Variants in SNX9 observed in about 807,000 individuals in gnomAD.
The protein encoded by SNX9 is sorting nexin-9.
In SNX9, 44 loss-of-function variants were observed where a neutral mutation model predicts 89.4. That is an observed-to-expected ratio of 0.49 (90% CI 0.39 to 0.63). The LOEUF is 0.63. SNX9 is among the 30% of genes least tolerant of loss of function. The probability of loss-of-function intolerance (pLI) is 0.00; values close to 1 mark genes in which losing one functional copy is unlikely to be tolerated. For synonymous variants in SNX9, 236 were observed against 247.8 expected (o/e 0.95, Z 0.45); for missense variants, 578 against 736.1 (o/e 0.79, Z 2.49).
At chr6:157,885,463 A>G (rs535282420) in intron 4 of SNX9, 1 of 152,338 alleles carries the variant, frequency 6.6e-6, no homozygotes, top group African/African-American at 2.4e-5. Context: ...ATTTTTTTAT[A>G]TAAGAGAATA....
intron 10 of SNX9, among the ~76,000 whole-genome samples, chr6:157,926,676 G>GCC (rs1783698661): frequency 1.3e-5 from 2 of 151,754 alleles, no homozygotes; most frequent in Non-Finnish European, 2.9e-5. Flanking sequence ...CAGCTACTTG[G>GCC]GGGCTGAGGT....
chr6:157,921,799 C>G (rs897693099), intron 10 of SNX9, 138 bp downstream of exon 10: 8 of 1,008,532 alleles, frequency 7.9e-6, no homozygotes, highest in Non-Finnish European at 9.9e-6. Flanking sequence ...GGACAGAAAC[C>G]TAAATCCCCA....
rs111653850 is a variant in SNX9, at chr6:157,919,784, C to T, written c.950-1747C>T. Among the ~76,000 whole-genome samples the T allele has an allele frequency of 1.4e-3, 218 of 152,096 alleles. 1 individual carries two copies. Among genetic ancestry groups the T allele is most frequent in the African/African-American group, 4.2e-3 (173 of 41,496 alleles). On this transcript the variant is annotated intron_variant, in intron 9 of 17. Coordinates refer to ENST00000392185, the MANE Select transcript of SNX9 (RefSeq NM_016224.5). ...TGGTTCATATCTTGCTATTTCTTTG[C>T]GTATCTCTTAATTTTTTGTTGAAAA...
intron 14 of SNX9, among the ~76,000 whole-genome samples, chr6:157,936,477 C>A (rs1338397937): frequency 2.0e-5 from 3 of 152,120 alleles, no homozygotes; most frequent in African/African-American, 7.2e-5. Flanking sequence ...CCACTGCACT[C>A]CAGCCTGGGT....
At chr6:157,831,190 TTTG>T (rs1781472018) in intron 1 of SNX9, among the ~76,000 whole-genome samples, 1 of 152,218 alleles carries the variant, frequency 6.6e-6, no homozygotes, top group African/African-American at 2.4e-5. Flanking sequence ...CTCATGGTGC[TTTG>T]TTTTCTTGTG....
At position 157,853,220 on chromosome 6, in the gene SNX9, A is replaced by G. The variant is rs570305684; in HGVS notation, c.13-14327A>G. The stretch of plus-strand genomic sequence containing the variant: ...TTTTTGAAGGATGTTTTTGCTGGGT[A>G]TAGAATTCTAGGTTGGTAGTTTTTG... On this transcript the variant is annotated intron_variant, in intron 1 of 17. Transcript: ENST00000392185. Among the ~76,000 whole-genome samples the G allele has an allele frequency of 2.5e-3, 379 of 152,128 alleles. 2 individuals carry two copies. Among genetic ancestry groups the G allele is most frequent in the Non-Finnish European group, 2.0e-3 (135 of 68,002 alleles).
At chr6:157,826,054 G>T (rs1263251319) in intron 1 of SNX9, among the ~76,000 whole-genome samples, 1 of 152,106 alleles carries the variant, frequency 6.6e-6, no homozygotes, top group Non-Finnish European at 1.5e-5. Flanking sequence ...AGTATCTTCA[G>T]ATACAATTTT....
At position 157,942,262 on chromosome 6, in the gene SNX9, T is replaced by C. The variant is rs184958815; in HGVS notation, c.1741-529T>C. Among the ~76,000 whole-genome samples the C allele has an allele frequency of 1.5e-3, 232 of 152,342 alleles. 1 individual carries two copies. Among genetic ancestry groups the C allele is most frequent in the African/African-American group, 5.4e-3 (223 of 41,582 alleles). On this transcript the variant is annotated intron_variant, in intron 17 of 17. Coordinates refer to ENST00000392185, the MANE Select transcript of SNX9 (RefSeq NM_016224.5). ...TTATATACCAAGCCCTCGTGCTGGA[T>C]GTTTAGCATCCAGGGATGGATAAGA...
At chr6:157,825,592 C>A (rs1162216704) in intron 1 of SNX9, among the ~76,000 whole-genome samples, 1 of 152,180 alleles carries the variant, frequency 6.6e-6, no homozygotes, top group Non-Finnish European at 1.5e-5. Flanking sequence ...TCCAGTAGTT[C>A]TGTTAGTTTC....
chr6:157,935,903 T>C (rs16900518), intron 13 of SNX9, 61 bp from the exon 14 acceptor site: 1 of 1,216,352 alleles, frequency 8.2e-7, no homozygotes, highest in Non-Finnish European at 1.1e-6. Flanking sequence ...TAATAAAATT[T>C]TAACAAGTGA....
At chr6:157,834,463 C>T (rs2115107674) in intron 1 of SNX9, among the ~76,000 whole-genome samples, 1 of 151,560 alleles carries the variant, frequency 6.6e-6, no homozygotes, top group Non-Finnish European at 1.5e-5. Context: ...TCTCCCACCT[C>T]AGCCTCACAA....
At position 157,906,173 on chromosome 6, in the gene SNX9, C is replaced by G. The variant is rs1257752752; in HGVS notation, c.666C>G (p.Ala222=). Residue 222 remains alanine (A), a synonymous_variant, in exon 7 of 18, where the codon GCC becomes GCG. Coordinates refer to ENST00000392185, the MANE Select transcript of SNX9 (RefSeq NM_016224.5). ...AKPGTEQYLL[A]KQLAKPKEKI... ...CTGGCACGGAACAGTATTTGTTGGC[C>G]AAACAACTAGCAAAACCCAAAGAGA... 4 of 1,594,976 alleles carry G rather than the reference C, an allele frequency of 2.5e-6. No individual in the cohort carries two copies. In the African/African-American group the frequency reaches 4.1e-5, roughly 16 times the overall value.
At chr6:157,891,885 G>C (rs775938548) in intron 4 of SNX9, among the ~76,000 whole-genome samples, 5 of 152,234 alleles carry the variant, frequency 3.3e-5, no homozygotes, top group Non-Finnish European at 7.3e-5. Context: ...TGAAGCTTCA[G>C]AGTGAAGGTT....
intron 4 of SNX9, among the ~76,000 whole-genome samples, chr6:157,882,996 T>G (rs1422801713): frequency 6.6e-6 from 1 of 152,162 alleles, no homozygotes; most frequent in African/African-American, 2.4e-5. Flanking sequence ...CAGAGAAATC[T>G]TTCATGAAAG....
chr6:157,827,477 TATAATATATAAACTTATA>T lies in SNX9; in HGVS notation c.12+4032_12+4049del, dbSNP rs1781393640. Among the ~76,000 whole-genome samples, 2 of 27,754 alleles carry T rather than the reference TATAATATATAAACTTATA, an allele frequency of 7.2e-5. 1 individual carries two copies. The highest frequency in any genetic ancestry group is 1.0e-4 in the Non-Finnish European group (2 of 19,984). 18.2% of individuals were successfully genotyped at this position (27,754 alleles called of 152,430 possible). On this transcript the variant is annotated intron_variant, in intron 1 of 17. Coordinates refer to ENST00000392185, the MANE Select transcript of SNX9 (RefSeq NM_016224.5). ...ATATAATATATAAACTTATAGTTTA[TATAATATATAAACTTATA>T]GTTTATATAATATATAAACATATAG...
chr6:157,865,274 G>A (rs1782235678), intron 1 of SNX9, among the ~76,000 whole-genome samples: 1 of 151,746 alleles, frequency 6.6e-6, no homozygotes, highest in Non-Finnish European at 1.5e-5. Context: ...AGGAGGCAGA[G>A]GTTGCAGTGA....
chr6:157,864,843 C>T (rs943028711), intron 1 of SNX9, among the ~76,000 whole-genome samples: 1 of 151,946 alleles, frequency 6.6e-6, no homozygotes, highest in Admixed American at 6.5e-5. Context: ...TCCTGGCCAA[C>T]GTGGTGAAAC....
intron 1 of SNX9, among the ~76,000 whole-genome samples, chr6:157,831,747 G>T (rs977831062): frequency 3.9e-5 from 6 of 152,200 alleles, no homozygotes; most frequent in African/African-American, 1.4e-4. Context: ...GTTTCAAAAG[G>T]TGTTTAGTTT....
chr6:157,901,782 A>G (rs1783101714), intron 5 of SNX9, 116 bp from the exon 6 acceptor site: 1 of 1,252,608 alleles, frequency 8.0e-7, no homozygotes, highest in Non-Finnish European at 1.1e-6. Flanking sequence ...CCTTTTCTCC[A>G]TCAAAAAAAA....
Sources: gnomAD v4.1 joint callset for allele counts (sites outside exome capture counted in the v4.1 genomes callset) on GRCh38, gnomAD v4.1.1 for gene constraint, MANE v1.5 for transcripts, NCBI Gene and HGNC (gene_info 2026-07-23, HGNC 2026-07-21) for gene names.